UST: variants seen among roughly 807,000 people sequenced by gnomAD.
UST encodes uronyl 2-sulfotransferase, also known as chondroitin sulfate 2-O-sulfotransferase.
A neutral mutation model predicts 45.6 loss-of-function variants in UST; 21 were observed. The observed-to-expected ratio is 0.46, with a 90% CI of 0.33 to 0.66. The LOEUF (loss-of-function observed/expected upper bound fraction) is 0.66. Among genes scored for constraint, UST ranks in the 30% least tolerant of loss-of-function variants. The pLI is 0.02. For missense variants in UST, 463 were observed against 512.4 expected (o/e 0.90, Z 0.93); for synonymous variants, 215 against 200.6 (o/e 1.07, Z -0.61).
intron 1 of UST, among the ~76,000 whole-genome samples, chr6:148,823,857 A>ATTCC (rs1053851956): frequency 6.2e-4 from 94 of 152,318 alleles, no homozygotes; most frequent in African/African-American, 2.1e-3. Flanking sequence ...GTTCGATGCT[A>ATTCC]TTCCTCCTCC....
chr6:148,952,861 A>G (rs1262248859), intron 3 of UST, among the ~76,000 whole-genome samples: 1 of 152,230 alleles, frequency 6.6e-6, no homozygotes, highest in Non-Finnish European at 1.5e-5. Context: ...GCCAACCAGA[A>G]AAACTAGGGA....
chr6:148,990,377 AAGC>A (rs566976178), intron 5 of UST: 21 of 984,904 alleles, frequency 2.1e-5, no homozygotes, highest in Non-Finnish European at 2.4e-5. Flanking sequence ...CCAAATAGTT[AAGC>A]AGATCAACCT....
chr6:149,062,048 G>A (rs140210884), intron 7 of UST, among the ~76,000 whole-genome samples: 76 of 152,332 alleles, frequency 5.0e-4, no homozygotes, highest in African/African-American at 1.8e-3. Flanking sequence ...ATCACACCCA[G>A]CACAAATTCA....
intron 5 of UST, among the ~76,000 whole-genome samples, chr6:149,003,262 A>C (rs568069329): frequency 5.9e-5 from 9 of 152,298 alleles, no homozygotes; most frequent in African/African-American, 2.2e-4. Flanking sequence ...TTTACCTTGC[A>C]TTTCATTTCT....
At chr6:149,003,582 A>G (rs1423950656) in intron 5 of UST, among the ~76,000 whole-genome samples, 2 of 152,248 alleles carry the variant, frequency 1.3e-5, no homozygotes, top group Non-Finnish European at 2.9e-5. Context: ...CAAAAACACT[A>G]TAATGGTGAG....
At chr6:148,852,004 C>A (rs1471763580) in intron 1 of UST, among the ~76,000 whole-genome samples, 1 of 152,204 alleles carries the variant, frequency 6.6e-6, no homozygotes, top group Non-Finnish European at 1.5e-5. Flanking sequence ...TTTGTTCAAA[C>A]CAGATGCAAG....
intron 1 of UST, among the ~76,000 whole-genome samples, chr6:148,802,947 G>A (rs370296406): frequency 5.9e-4 from 90 of 152,242 alleles, no homozygotes; most frequent in African/African-American, 2.1e-3. Context: ...CTGTTAGATT[G>A]TCTTCTACAA....
intron 5 of UST, among the ~76,000 whole-genome samples, chr6:148,999,218 T>C (rs1781504046): frequency 6.6e-6 from 1 of 152,260 alleles, no homozygotes; most frequent in Non-Finnish European, 1.5e-5. Context: ...ATTTTTATGA[T>C]GTTGTTTATT....
rs1776855922 is a variant in UST at position 149,074,032 on chromosome 6, C to T, written c.1137C>T (p.Ile379=). 6.2e-7 allele frequency: 1 copy of T among 1,614,092 alleles called. No individual in the cohort carries two copies. Among genetic ancestry groups the T allele is most frequent in the South Asian group, 1.1e-5 (1 of 91,086 alleles). ...SKPPLRPHFF[I]PTPLETEEPI... is the part of the protein sequence containing the mutation. Reference sequence around the variant, plus strand: ...CCCCCCTGAGGCCACACTTCTTTATCCCAACTCCACTGGAAACCGAGGAGC... The same window carrying T: ...CCCCCCTGAGGCCACACTTCTTTATTCCAACTCCACTGGAAACCGAGGAGC... Residue 379 remains isoleucine (I), a synonymous_variant, in exon 8 of 8, where the codon ATC becomes ATT. Transcript: ENST00000367463.
intron 1 of UST, among the ~76,000 whole-genome samples, chr6:148,824,269 A>G (rs897444170): frequency 1.3e-5 from 2 of 152,162 alleles, no homozygotes; most frequent in African/African-American, 2.4e-5. Flanking sequence ...GTGTTGGATA[A>G]CCCTGGGTGT....
rs9498146 is a variant in UST at position 148,747,491 on chromosome 6, A to G, written c.61A>G (p.Met21Val). 771 of 1,515,872 alleles carry G rather than the reference A, an allele frequency of 5.1e-4. 14 individuals carry two copies. In the South Asian group the frequency reaches 9.0e-3, roughly 18 times the overall value. The allele number at this position is 1,515,872 out of a possible 1,614,324, so 93.9% of individuals were successfully genotyped here. ...GADPWPHGAP[M>V]GGAPPGLGSW... ...GGATCCCTGGCCCCATGGGGCCCCT[A>G]TGGGGGGCGCCCCTCCGGGCCTGGG... Residue 21 changes from methionine to valine, a missense_variant, in exon 1 of 8, where the codon ATG becomes GTG. By Grantham distance (21) the Met-to-Val change is conservative. Coordinates refer to ENST00000367463, the MANE Select transcript of UST (RefSeq NM_005715.3).
At chr6:148,792,540 T>C (rs1424522031) in intron 1 of UST, among the ~76,000 whole-genome samples, 3 of 152,204 alleles carry the variant, frequency 2.0e-5, no homozygotes, top group African/African-American at 7.2e-5. Flanking sequence ...GTGCCTTCCC[T>C]GTGTCACCTT....
intron 7 of UST, among the ~76,000 whole-genome samples, chr6:149,033,591 C>T (rs1362660781): frequency 6.6e-6 from 1 of 152,074 alleles, no homozygotes; most frequent in African/African-American, 2.4e-5. Flanking sequence ...TACCTACAAA[C>T]GCATAGAAAA....
chr6:148,776,804 G>C (rs1582804552), intron 1 of UST, among the ~76,000 whole-genome samples: 1 of 152,094 alleles, frequency 6.6e-6, no homozygotes, highest in Non-Finnish European at 1.5e-5. Flanking sequence ...CATTGTTTCT[G>C]GAATCTGGCT....
At chr6:148,991,358 A>T (rs1019348331) in intron 5 of UST, among the ~76,000 whole-genome samples, 1 of 152,044 alleles carries the variant, frequency 6.6e-6, no homozygotes, top group African/African-American at 2.4e-5. Context: ...AATTTTTTTT[A>T]ATTTTTATTT....
chr6:149,023,369 C>T (rs1023006403), intron 7 of UST, among the ~76,000 whole-genome samples: 2 of 152,078 alleles, frequency 1.3e-5, no homozygotes, highest in African/African-American at 4.8e-5. Flanking sequence ...CCAAGAGCCA[C>T]GTGTGTGAGC....
rs374408520 is a variant in UST, at chr6:148,778,832, G to A, written c.247+31155G>A. On this transcript the variant is annotated intron_variant, in intron 1 of 7. Coordinates refer to ENST00000367463, the MANE Select transcript of UST (RefSeq NM_005715.3). ...TACATGGTAGGGAGTGGGGTCTTGAGCCAGAGCTCTGGTCATCTCTGATGA... is the reference window on the plus strand; with the variant it reads ...TACATGGTAGGGAGTGGGGTCTTGAACCAGAGCTCTGGTCATCTCTGATGA... 1.1e-4 allele frequency among the ~76,000 whole-genome samples: 17 copies of A among 152,308 alleles called. No homozygotes were observed. The East Asian group carries it at 3.1e-3, about 28-fold the overall frequency.
At chr6:148,886,955 G>C (rs200990082) in intron 1 of UST, 31 bp from the exon 2 acceptor site, 106 of 1,592,890 alleles carry the variant, frequency 6.7e-5, no homozygotes, top group South Asian at 8.9e-5. Flanking sequence ...TTTAAAAAAC[G>C]GATTCATCAA....
chr6:148,960,150 A>G (rs1440880829), intron 4 of UST, among the ~76,000 whole-genome samples: 3 of 152,114 alleles, frequency 2.0e-5, no homozygotes, highest in South Asian at 4.1e-4. Flanking sequence ...TTAGATGGGC[A>G]TGGTGATGGG....
Sources: gnomAD v4.1 joint callset for allele counts (sites outside exome capture counted in the v4.1 genomes callset) on GRCh38, gnomAD v4.1.1 for gene constraint, MANE v1.5 for transcripts, NCBI Gene and HGNC (gene_info 2026-07-23, HGNC 2026-07-21) for gene names.